Variants in ITGA8 observed in about 807,000 individuals in gnomAD.
The protein encoded by ITGA8 is integrin subunit alpha 8, also known as integrin alpha-8.
ITGA8 carries 91 observed loss-of-function variants against 142.3 expected under a neutral mutation model. The observed-to-expected ratio is 0.64, with a 90% CI of 0.54 to 0.76. The LOEUF is 0.76. Among genes scored for constraint, ITGA8 ranks in the 30% least tolerant of loss-of-function variants. ITGA8 has a pLI of 0.00. For synonymous variants in ITGA8, 505 were observed against 485.2 expected (o/e 1.04, Z -0.54); for missense variants, 1,406 against 1,327.7 (o/e 1.06, Z -0.92).
At chr10:15,670,498 A>G (rs28571957) in intron 8 of ITGA8, among the ~76,000 whole-genome samples, 1,653 of 152,322 alleles carry the variant, frequency 0.011, 22 homozygotes, top group Middle Eastern at 0.041. Context: ...TGTTTCCGGT[A>G]TGAATCTATT....
At chr10:15,716,782 T>C (rs1674070398) in intron 2 of ITGA8, among the ~76,000 whole-genome samples, 1 of 151,498 alleles carries the variant, frequency 6.6e-6, no homozygotes, top group African/African-American at 2.4e-5. Flanking sequence ...GCAATTCTCC[T>C]GTCTCAGCCT....
intron 21 of ITGA8, among the ~76,000 whole-genome samples, chr10:15,595,669 T>C (rs999935634): frequency 1.3e-5 from 2 of 152,230 alleles, no homozygotes; most frequent in East Asian, 3.8e-4. Context: ...ACACTTCTAA[T>C]ACTGAAAAAG....
rs139170027 is a variant in ITGA8, at chr10:15,718,359, C to T, written c.343+407G>A. On this transcript the variant is annotated intron_variant, in intron 2 of 29. Transcript: ENST00000378076. ...CAGCAGCTAAGTCCTGCCTCCCGAG[C>T]TTGGGCACTGGAAACGCTAAGGATC... 2.4e-3 allele frequency among the ~76,000 whole-genome samples: 371 copies of T among 152,300 alleles called. 2 individuals are homozygous for T. The highest frequency in any genetic ancestry group is 8.4e-3 in the African/African-American group (351 of 41,564).
At chr10:15,660,340 C>CA (rs1449859672) in intron 9 of ITGA8, among the ~76,000 whole-genome samples, 1 of 152,134 alleles carries the variant, frequency 6.6e-6, no homozygotes, top group African/African-American at 2.4e-5. Context: ...CACTAGGTCT[C>CA]ATCAGTTAAG....
intron 13 of ITGA8, among the ~76,000 whole-genome samples, chr10:15,632,228 C>G (rs573263053): frequency 2.0e-5 from 3 of 150,586 alleles, no homozygotes; most frequent in Admixed American, 2.0e-4. Flanking sequence ...ATAGCTGTGT[C>G]GATAAGGTCC....
chr10:15,581,910 A>T (rs1435521707), intron 23 of ITGA8, among the ~76,000 whole-genome samples: 1 of 152,198 alleles, frequency 6.6e-6, no homozygotes, highest in Non-Finnish European at 1.5e-5. Context: ...GTGGGGGGAA[A>T]AATGGTTTTT....
At chr10:15,602,852 G>A (rs768757420) in intron 20 of ITGA8, among the ~76,000 whole-genome samples, 3 of 152,074 alleles carry the variant, frequency 2.0e-5, no homozygotes, top group Non-Finnish European at 4.4e-5. Context: ...AAGCTGAGTG[G>A]AGATTTGCAA....
intron 26 of ITGA8, among the ~76,000 whole-genome samples, chr10:15,555,057 A>G (rs984748197): frequency 1.3e-5 from 2 of 152,180 alleles, no homozygotes; most frequent in African/African-American, 4.8e-5. Flanking sequence ...GAATTATTTC[A>G]GTTTCATAAA....
chr10:15,647,762 AATT>A (rs1164425454), intron 11 of ITGA8, among the ~76,000 whole-genome samples: 8 of 152,252 alleles, frequency 5.3e-5, no homozygotes, highest in African/African-American at 1.9e-4. Context: ...GCGCCCGGCC[AATT>A]ATTCAGTTTT....
At chr10:15,571,343 A>G (rs1834179421) in intron 25 of ITGA8, among the ~76,000 whole-genome samples, 1 of 152,150 alleles carries the variant, frequency 6.6e-6, no homozygotes, top group Non-Finnish European at 1.5e-5. Flanking sequence ...TTTAATAGAG[A>G]CACTGTGTCC....
chr10:15,680,088 G>A (rs1190710210), intron 4 of ITGA8, among the ~76,000 whole-genome samples: 1 of 152,114 alleles, frequency 6.6e-6, no homozygotes, highest in Non-Finnish European at 1.5e-5. Flanking sequence ...GCATGCGCCT[G>A]TTCAGAAGCT....
chr10:15,663,956 A>G (rs1030531660), intron 8 of ITGA8, among the ~76,000 whole-genome samples: 1 of 152,172 alleles, frequency 6.6e-6, no homozygotes, highest in African/African-American at 2.4e-5. Context: ...AGTGATTTTT[A>G]GATTTGACCT....
At chr10:15,719,009 T>C in intron 1 of ITGA8, 110 bp from the exon 2 acceptor site, 1 of 1,497,852 alleles carries the variant, frequency 6.7e-7, no homozygotes, top group Non-Finnish European at 9.1e-7. Context: ...GTGGAGGGCA[T>C]GAACGTATTT....
At chr10:15,661,519 T>C (rs574745388) in intron 8 of ITGA8, among the ~76,000 whole-genome samples, 2 of 152,348 alleles carry the variant, frequency 1.3e-5, no homozygotes, top group East Asian at 1.9e-4. Flanking sequence ...TACTTTGTCA[T>C]ACTTTGTCAT....
In ITGA8 at chr10:15,647,422, AAT is replaced by A. The variant is rs9333136; in HGVS notation, c.1002-373_1002-372del. 4.4e-3 allele frequency among the ~76,000 whole-genome samples: 669 copies of A among 151,528 alleles called. 3 individuals are homozygous for A. The highest frequency in any genetic ancestry group is 0.015 in the African/African-American group (633 of 41,298). On this transcript the variant is annotated intron_variant, in intron 11 of 29. Transcript: ENST00000378076. ...AATAGATTAGAGTTTGTCTGCAATT[AAT>A]ATGACTATACATTTAAATTATTCAG...
In ITGA8 at chr10:15,575,518, C is replaced by G; in HGVS notation, c.2449G>C (p.Val817Leu). 1.2e-6 allele frequency: 2 copies of G among 1,613,930 alleles called. No homozygotes were observed. Among genetic ancestry groups the G allele is most frequent in the Non-Finnish European group, 1.7e-6 (2 of 1,179,820 alleles). ...TAAATATGTTCCACCAATGGTCCAA[C>G]CTCCTCCTCTTTGTGGGGCTCCTCT... ...PEEEPHKEEE[V>L]GPLVEHIYEL... Residue 817 changes from valine to leucine, a missense_variant, in exon 24 of 30, where the codon GTT (valine) becomes CTT (leucine). Val to Leu is a conservative substitution (Grantham distance 32, BLOSUM62 1). Transcript: ENST00000378076.
intron 3 of ITGA8, among the ~76,000 whole-genome samples, chr10:15,685,464 G>T (rs1834818064): frequency 6.6e-6 from 1 of 152,112 alleles, no homozygotes; most frequent in African/African-American, 2.4e-5. Context: ...ATGAAGGTTT[G>T]CATATAAAAC....
chr10:15,704,444 A>T (rs563125889), intron 2 of ITGA8, among the ~76,000 whole-genome samples: 1 of 152,286 alleles, frequency 6.6e-6, no homozygotes, highest in East Asian at 1.9e-4. Context: ...TCAAATGCGA[A>T]ACCAGGTTTA....
intron 13 of ITGA8, among the ~76,000 whole-genome samples, chr10:15,626,690 C>G (rs540639663): frequency 1.3e-5 from 2 of 152,284 alleles, no homozygotes; most frequent in African/African-American, 4.8e-5. Flanking sequence ...ATGAGATCAT[C>G]TGGGTGGGCC....
Sources: allele counts gnomAD v4.1 joint callset (sites outside exome capture counted in the v4.1 genomes callset), GRCh38; gene constraint gnomAD v4.1.1; transcripts MANE v1.5; gene names NCBI Gene and HGNC (gene_info 2026-07-23, HGNC 2026-07-21).